Variants in ZNF33A observed in about 807,000 individuals in gnomAD.
The protein encoded by ZNF33A is brain my041 protein.
Under a neutral mutation model 15.9 loss-of-function variants are expected in ZNF33A, and 9 were observed. The observed-to-expected ratio is 0.57, with a 90% confidence interval of 0.34 to 0.99. The LOEUF (loss-of-function observed/expected upper bound fraction) is 0.99, where lower values mean the gene tolerates loss of function less well. ZNF33A is among the 50% of genes least tolerant of loss of function. The pLI is 0.02. For missense variants in ZNF33A, 843 were observed against 941.6 expected (o/e 0.90, Z 1.37); for synonymous variants, 294 against 324.2 (o/e 0.91, Z 1.00).
At chr10:38,016,488 A>T (rs2064458142) in intron 2 of ZNF33A, among the ~76,000 whole-genome samples, 3 of 152,178 alleles carry the variant, frequency 2.0e-5, no homozygotes, top group Admixed American at 1.3e-4. Context: ...TCATAATTCA[A>T]CCAACAGCTG....
chr10:38,012,425 GTTTTTTTT>G, intron 2 of ZNF33A, 75 bp downstream of exon 2: 20 of 527,960 alleles, frequency 3.8e-5, no homozygotes, highest in Admixed American at 5.1e-5. Flanking sequence ...TATGGTGTTT[GTTTTTTTT>G]TTTTTTTTTT....
chr10:38,020,028 A>G (rs1033394120), intron 4 of ZNF33A, among the ~76,000 whole-genome samples: 5 of 152,202 alleles, frequency 3.3e-5, no homozygotes, highest in African/African-American at 1.2e-4. Context: ...ACCTAGAACA[A>G]CTACTGAGAA....
chr10:38,027,122 C>T (rs1415539082), intron 4 of ZNF33A, among the ~76,000 whole-genome samples: 2 of 151,972 alleles, frequency 1.3e-5, no homozygotes, highest in Non-Finnish European at 2.9e-5. Flanking sequence ...CTGTAGCTTT[C>T]TAATAAGTTG....
intron 4 of ZNF33A, among the ~76,000 whole-genome samples, chr10:38,051,812 GGCCCCATCAATTATGTA>G (rs2066221079): frequency 6.6e-6 from 1 of 151,216 alleles, no homozygotes; most frequent in South Asian, 2.1e-4. Flanking sequence ...ATTTTGCACT[GGCCCCATCAATTATGTA>G]GTCATCTCTG....
At chr10:38,051,450 C>T (rs2066200976) in intron 4 of ZNF33A, among the ~76,000 whole-genome samples, 1 of 151,990 alleles carries the variant, frequency 6.6e-6, no homozygotes, top group African/African-American at 2.4e-5. Context: ...TAAAAATGAG[C>T]AAAAATTACT....
intron 4 of ZNF33A, among the ~76,000 whole-genome samples, chr10:38,042,990 G>A (rs543650425): frequency 1.2e-4 from 18 of 152,220 alleles, no homozygotes; most frequent in South Asian, 2.1e-4. Context: ...TTACTCTCTC[G>A]TATCATTGCC....
intron 4 of ZNF33A, among the ~76,000 whole-genome samples, chr10:38,024,398 TGAAA>T (rs1346191794): frequency 1.3e-5 from 2 of 152,110 alleles, no homozygotes; most frequent in Non-Finnish European, 2.9e-5. Context: ...AAAATGCTGA[TGAAA>T]GAAATAATAG....
chr10:38,067,776 A>C (rs1278530082), downstream of ZNF33A, among the ~76,000 whole-genome samples: 4 of 152,250 alleles, frequency 2.6e-5, no homozygotes, highest in African/African-American at 4.8e-5. Context: ...CCAGTTGAAA[A>C]GGGAGACATT....
chr10:38,038,961 C>T (rs2065572525), intron 4 of ZNF33A, among the ~76,000 whole-genome samples: 1 of 152,078 alleles, frequency 6.6e-6, no homozygotes, highest in African/African-American at 2.4e-5. Context: ...TTTTTATATA[C>T]TACTGGATGA....
rs976387160 is a variant in ZNF33A, at chr10:38,058,559, C to G, written c.*1999C>G. The stretch of plus-strand genomic sequence containing the variant: ...GGCTGAGGCGGGTGGATCACAAGGT[C>G]AGGAGTTCGAGACCAGCCTGGTCAA... On this transcript the variant is annotated 3_prime_UTR_variant, in exon 5 of 5. Coordinates refer to ENST00000432900, the MANE Select transcript of ZNF33A (RefSeq NM_006954.2). 13 of 152,208 alleles carry G rather than the reference C, an allele frequency of 8.5e-5. No individual in the cohort carries two copies. Among genetic ancestry groups the G allele is most frequent in the African/African-American group, 3.1e-4 (13 of 41,428 alleles). The allele number at this position is 152,208 out of a possible 1,614,324, so 9.4% of individuals were successfully genotyped here. A position where few individuals can be genotyped will look rare whatever the true frequency, so the allele number is the denominator to read the frequency against.
intron 4 of ZNF33A, among the ~76,000 whole-genome samples, chr10:38,040,942 A>T (rs1221241206): frequency 6.6e-6 from 1 of 152,170 alleles, no homozygotes; most frequent in African/African-American, 2.4e-5. Flanking sequence ...ATGTATTTCC[A>T]TTTTAAGTGG....
chr10:38,051,232 C>T (rs1293862565), intron 4 of ZNF33A, among the ~76,000 whole-genome samples: 6 of 152,236 alleles, frequency 3.9e-5, no homozygotes, highest in African/African-American at 1.4e-4. Flanking sequence ...AAATTGAATT[C>T]TGCTTTGTAC....
At position 38,056,376 on chromosome 10, in the gene ZNF33A, G is replaced by A; in HGVS notation, c.2252G>A (p.Cys751Tyr). ...RSHTGEKPYE[C>Y]NTCRKTFSQK... ...CATACAGGGGAAAAGCCCTATGAAT[G>A]TAACACATGCAGGAAAACTTTCTCT... Residue 751 changes from cysteine (C) to tyrosine (Y), a missense_variant, in exon 5 of 5, where the codon TGT becomes TAT. Coordinates refer to ENST00000432900, the MANE Select transcript of ZNF33A (RefSeq NM_006954.2). The A allele has an allele frequency of 6.2e-7, 1 of 1,614,124 alleles. No individual in the cohort carries two copies. Among genetic ancestry groups the A allele is most frequent in the Non-Finnish European group, 8.5e-7 (1 of 1,179,984 alleles).
chr10:38,017,354 A>G lies in ZNF33A; in HGVS notation c.218A>G (p.Gln73Arg). ...CAACAAGGAGAAGAGCCATGGAAAC[A>G]GGAGGAAGAATTCCCAAGCCAAAGC... is the stretch of plus-strand genomic sequence containing the variant. ...RLQQGEEPWK[Q>R]EEEFPSQSFP... is the part of the protein sequence containing the mutation. The change falls in exon 4 of 5, where the codon CAG (glutamine) becomes CGG (arginine). Residue 73 changes from glutamine to arginine, a missense_variant. By Grantham distance (43) the Gln-to-Arg change is conservative. Transcript: ENST00000432900. The G allele has an allele frequency of 1.2e-6, 2 of 1,614,042 alleles. No individual in the cohort carries two copies. The highest frequency in any genetic ancestry group is 1.7e-6 in the Non-Finnish European group (2 of 1,179,914).
chr10:38,032,793 G>A (rs1182685257), intron 4 of ZNF33A, among the ~76,000 whole-genome samples: 2 of 151,684 alleles, frequency 1.3e-5, no homozygotes, highest in African/African-American at 2.4e-5. Flanking sequence ...TGTCGCTCAG[G>A]CTGGAGTACA....
At chr10:38,023,966 C>G (rs1296350391) in intron 4 of ZNF33A, among the ~76,000 whole-genome samples, 2 of 151,972 alleles carry the variant, frequency 1.3e-5, no homozygotes, top group Non-Finnish European at 2.9e-5. Context: ...CAAGAGCAGC[C>G]TGACCAATAT....
At chr10:38,044,822 C>T (rs914225056) in intron 4 of ZNF33A, among the ~76,000 whole-genome samples, 7 of 151,998 alleles carry the variant, frequency 4.6e-5, no homozygotes, top group Non-Finnish European at 8.8e-5. Flanking sequence ...TGCCTGCCAC[C>T]ATGCCCAGCT....
chr10:38,011,589 A>G (rs2064187858), intron 1 of ZNF33A, among the ~76,000 whole-genome samples: 1 of 152,192 alleles, frequency 6.6e-6, no homozygotes, highest in South Asian at 2.1e-4. Context: ...AAAAAACAAA[A>G]ACAAAGAATT....
chr10:38,029,547 GT>G (rs1295244097), intron 4 of ZNF33A, among the ~76,000 whole-genome samples: 1 of 152,150 alleles, frequency 6.6e-6, no homozygotes, highest in Non-Finnish European at 1.5e-5. Context: ...TTCTAACAAG[GT>G]TGGTTTTTAT....
Sources: allele counts gnomAD v4.1 joint callset (sites outside exome capture counted in the v4.1 genomes callset), GRCh38; gene constraint gnomAD v4.1.1; transcripts MANE v1.5; gene names NCBI Gene and HGNC (gene_info 2026-07-23, HGNC 2026-07-21).